The following LMNTD1 variants were observed in gnomAD, a reference collection of about 807,000 sequenced individuals.
LMNTD1 encodes lamin tail domain containing 1, also known as lamin tail domain-containing protein 1.
Under a neutral mutation model 50.9 loss-of-function variants are expected in LMNTD1, and 35 were observed. The ratio of observed to expected loss-of-function variants is 0.69; its 90% confidence interval spans 0.53 to 0.91. LMNTD1 has a LOEUF of 0.91. LMNTD1 is among the 40% of genes least tolerant of loss of function. The pLI, the probability that LMNTD1 is intolerant of heterozygous loss-of-function variation, is 0.00. For synonymous variants in LMNTD1, 153 were observed against 161.9 expected (o/e 0.94, Z 0.42); for missense variants, 470 against 475.5 (o/e 0.99, Z 0.11).
Position 25,519,011 on chromosome 12 carries a change from T to C in LMNTD1, c.1017-44A>G, listed in dbSNP as rs966070510. On this transcript the variant is annotated intron_variant, in intron 7 of 9. Transcript: ENST00000458174. Reference sequence around the variant, plus strand: ...TAAATGGAACTCAAAAGCCATTTTATGCTGTGGTGTTAATGTTGAAGGCAC... The same window carrying C: ...TAAATGGAACTCAAAAGCCATTTTACGCTGTGGTGTTAATGTTGAAGGCAC... The C allele has an allele frequency of 5.0e-6, 8 of 1,584,244 alleles. No homozygotes were observed. In the Middle Eastern group the frequency reaches 5.0e-4, roughly 99 times the overall value.
At chr12:25,504,405 T>C (rs972141239) in intron 8 of LMNTD1, among the ~76,000 whole-genome samples, 4 of 152,232 alleles carry the variant, frequency 2.6e-5, no homozygotes, top group Non-Finnish European at 4.4e-5. Context: ...TGTTTAAATA[T>C]AATTTCCAGA....
At chr12:25,600,167 T>C (rs1343854623) in intron 1 of LMNTD1, among the ~76,000 whole-genome samples, 1 of 151,946 alleles carries the variant, frequency 6.6e-6, no homozygotes, top group African/African-American at 2.4e-5. Flanking sequence ...AACTCATTTT[T>C]GAAAAAGGTG....
intron 1 of LMNTD1, among the ~76,000 whole-genome samples, chr12:25,569,144 C>T (rs537325227): frequency 4.6e-5 from 7 of 152,328 alleles, no homozygotes; most frequent in South Asian, 4.1e-4. Flanking sequence ...GGGCTGCACC[C>T]GGCAAAGCCA....
chr12:25,589,240 C>A (rs576257495), intron 1 of LMNTD1, among the ~76,000 whole-genome samples: 2 of 152,108 alleles, frequency 1.3e-5, no homozygotes, highest in South Asian at 4.1e-4. Context: ...TCAATTAGAG[C>A]CACACACACC....
intron 8 of LMNTD1, among the ~76,000 whole-genome samples, chr12:25,504,831 T>C (rs920730051): frequency 1.3e-5 from 2 of 152,246 alleles, no homozygotes; most frequent in Non-Finnish European, 2.9e-5. Flanking sequence ...CACATCACAG[T>C]ATAAACTTGC....
chr12:25,516,511 C>G (rs1022190602), intron 8 of LMNTD1, among the ~76,000 whole-genome samples: 2 of 152,030 alleles, frequency 1.3e-5, no homozygotes, highest in African/African-American at 2.4e-5. Context: ...TTCTTGAAAG[C>G]CTCAAATTTA....
intron 1 of LMNTD1, among the ~76,000 whole-genome samples, chr12:25,627,545 C>T (rs1419286228): frequency 6.6e-6 from 1 of 152,174 alleles, no homozygotes; most frequent in Non-Finnish European, 1.5e-5. Flanking sequence ...GCTTTGTAAA[C>T]TCGAATCAGT....
intron 4 of LMNTD1, among the ~76,000 whole-genome samples, chr12:25,532,746 C>T (rs1163045651): frequency 6.6e-6 from 1 of 152,068 alleles, no homozygotes; most frequent in African/African-American, 2.4e-5. Flanking sequence ...TTTTCTTTTG[C>T]ATTATCATTA....
intron 9 of LMNTD1, among the ~76,000 whole-genome samples, chr12:25,476,874 T>C (rs1014546984): frequency 1.3e-5 from 2 of 152,186 alleles, no homozygotes; most frequent in Admixed American, 6.5e-5. Context: ...TGGAATTATT[T>C]ACAGAAATAA....
intron 1 of LMNTD1, among the ~76,000 whole-genome samples, chr12:25,592,001 C>T (rs534949889): frequency 1.3e-5 from 2 of 152,240 alleles, no homozygotes; most frequent in South Asian, 4.1e-4. Context: ...GTTTGTGGTG[C>T]CTTCTAAAGC....
intron 1 of LMNTD1, among the ~76,000 whole-genome samples, chr12:25,644,720 A>G (rs1228881425): frequency 6.6e-6 from 1 of 152,168 alleles, no homozygotes; most frequent in African/African-American, 2.4e-5. Flanking sequence ...ATGCTGCAGA[A>G]TAGAAGGAGT....
chr12:25,480,442 A>G (rs1938408061), intron 9 of LMNTD1, among the ~76,000 whole-genome samples: 1 of 152,174 alleles, frequency 6.6e-6, no homozygotes, highest in Non-Finnish European at 1.5e-5. Flanking sequence ...GTGCAGAGGG[A>G]TAGCAGAAAT....
chr12:25,541,031 A>G (rs1265006923), intron 4 of LMNTD1, among the ~76,000 whole-genome samples: 2 of 123,532 alleles, frequency 1.6e-5, no homozygotes, highest in Non-Finnish European at 3.6e-5. Context: ...GATGTGAAGG[A>G]CCTCTTCAAG....
At chr12:25,485,166 G>A (rs1243479471) in intron 9 of LMNTD1, among the ~76,000 whole-genome samples, 15 of 144,768 alleles carry the variant, frequency 1.0e-4, no homozygotes, top group South Asian at 2.3e-4. Context: ...TCCAGCACCT[G>A]TTGTTTCCTG....
chr12:25,603,766 C>G (rs2136513984), intron 1 of LMNTD1, among the ~76,000 whole-genome samples: 1 of 152,028 alleles, frequency 6.6e-6, no homozygotes, highest in Admixed American at 6.6e-5. Flanking sequence ...TAAATGAAGT[C>G]TGCAGTTTTG....
At position 25,553,146 on chromosome 12, in the gene LMNTD1, C is replaced by G; in HGVS notation, c.-108G>C. The G allele has an allele frequency of 6.2e-7, 1 of 1,610,516 alleles. No homozygotes were observed. Among genetic ancestry groups the G allele is most frequent in the African/African-American group, 1.3e-5 (1 of 74,946 alleles). On this transcript the variant is annotated 5_prime_UTR_variant, in exon 1 of 10. The change abolishes an upstream ATG in the 5' untranslated region. Coordinates refer to ENST00000458174, the MANE Select transcript of LMNTD1 (RefSeq NM_001145728.2). Reference sequence around the variant, plus strand: ...AAACTAGTACCAGAACCACAATTCTCATGAGGATATGTAAGTACCAACATA... The same window carrying G: ...AAACTAGTACCAGAACCACAATTCTGATGAGGATATGTAAGTACCAACATA...
chr12:25,646,276 GT>G (rs1947069378), intron 1 of LMNTD1, among the ~76,000 whole-genome samples: 1 of 151,592 alleles, frequency 6.6e-6, no homozygotes, highest in South Asian at 2.1e-4. Context: ...CCCTAAATGA[GT>G]TCCAAAACCA....
chr12:25,533,138 G>A (rs1248557024), intron 4 of LMNTD1, among the ~76,000 whole-genome samples: 1 of 152,116 alleles, frequency 6.6e-6, no homozygotes, highest in East Asian at 1.9e-4. Context: ...GTCCATATCA[G>A]AGCACTTTAT....
At chr12:25,483,291 G>C (rs967539917) in intron 9 of LMNTD1, among the ~76,000 whole-genome samples, 6 of 151,756 alleles carry the variant, frequency 4.0e-5, no homozygotes, top group African/African-American at 1.5e-4. Flanking sequence ...AGGCGTGGTT[G>C]TGCGCACCTT....
Sources: gnomAD v4.1 joint callset for allele counts (sites outside exome capture counted in the v4.1 genomes callset) on GRCh38, gnomAD v4.1.1 for gene constraint, MANE v1.5 for transcripts, NCBI Gene and HGNC (gene_info 2026-07-23, HGNC 2026-07-21) for gene names.